Variants in DYTN observed in about 807,000 individuals in gnomAD.
The protein encoded by DYTN is dystrotelin.
A neutral mutation model predicts 69.6 loss-of-function variants in DYTN; 75 were observed. The ratio of observed to expected loss-of-function variants is 1.08; its 90% CI spans 0.89 to 1.31. The LOEUF is 1.31. DYTN is among the 50% of genes most tolerant of loss of function. The probability of loss-of-function intolerance (pLI) is 0.00; values close to 1 mark genes in which losing one functional copy is unlikely to be tolerated. For synonymous variants in DYTN, 252 were observed against 249.1 expected (o/e 1.01, Z -0.11); for missense variants, 726 against 688.4 (o/e 1.05, Z -0.61).
At chr2:206,713,053 G>A (rs890713288) in intron 1 of DYTN, among the ~76,000 whole-genome samples, 2 of 152,206 alleles carry the variant, frequency 1.3e-5, no homozygotes, top group African/African-American at 2.4e-5. Flanking sequence ...CCGCTTCCTG[G>A]TGACAATGTC....
chr2:206,670,423 A>G (rs910682804), intron 9 of DYTN: 3 of 152,094 alleles, frequency 2.0e-5, no homozygotes, highest in African/African-American at 7.2e-5. Context: ...ATTTTTCTCT[A>G]AAAGCAAAGG....
chr2:206,705,705 C>A (rs1043743342), intron 4 of DYTN, 83 bp downstream of exon 4: 19 of 1,199,324 alleles, frequency 1.6e-5, no homozygotes, highest in Non-Finnish European at 2.3e-5. Flanking sequence ...GCTGAAGAGG[C>A]CTTGTGGCAG....
At chr2:206,667,662 C>T (rs1559306720) in intron 9 of DYTN, among the ~76,000 whole-genome samples, 1 of 150,262 alleles carries the variant, frequency 6.7e-6, no homozygotes, top group Non-Finnish European at 1.5e-5. Flanking sequence ...TAATTAATTG[C>T]TTATTGTCTA....
chr2:206,699,717 A>G lies in DYTN; in HGVS notation c.719+10T>C. 1 of 1,608,786 alleles carries G rather than the reference A, an allele frequency of 6.2e-7. No homozygotes were observed. The highest frequency in any genetic ancestry group is 1.1e-5 in the South Asian group (1 of 90,028). On this transcript the variant is annotated intron_variant, in intron 7 of 11. Coordinates refer to ENST00000452335, the MANE Select transcript of DYTN (RefSeq NM_001093730.1). The stretch of plus-strand genomic sequence containing the variant: ...AATGATAATCCAAGAAATGCTGCTG[A>G]TGACTGTACCTGAGTCCCGTGATTG...
Position 206,716,916 on chromosome 2 carries a change from A to C in DYTN, c.19+1345T>G, listed in dbSNP as rs1049040925. On this transcript the variant is annotated intron_variant, in intron 1 of 11. Transcript: ENST00000452335. Reference sequence around the variant, plus strand: ...TATGCTTTACAGCGTCATCTGATGAAGTTAGGCAGCATAACACGGCAAGCT... The same window carrying C: ...TATGCTTTACAGCGTCATCTGATGACGTTAGGCAGCATAACACGGCAAGCT... Among the ~76,000 whole-genome samples, 8 of 152,074 alleles carry C rather than the reference A, an allele frequency of 5.3e-5. No individual in the cohort carries two copies. The East Asian group carries it at 1.5e-3, about 29-fold the overall frequency.
At chr2:206,682,248 T>C (rs953344900) in intron 9 of DYTN, among the ~76,000 whole-genome samples, 1 of 152,272 alleles carries the variant, frequency 6.6e-6, no homozygotes, top group East Asian at 1.9e-4. Context: ...TTTTGTTGTG[T>C]CTTTTGATTC....
chr2:206,665,867 T>C lies in DYTN; in HGVS notation c.1140+3A>G. 1 of 1,613,306 alleles carries C rather than the reference T, an allele frequency of 6.2e-7. No homozygotes were observed. Among genetic ancestry groups the C allele is most frequent in the Non-Finnish European group, 8.5e-7 (1 of 1,179,590 alleles). ...GATGGCCAGTGTCCCTCACATTTTA[T>C]ACCTGTAGGTCCCGTCTTATCTGTT... On this transcript the variant is annotated splice_donor_region_variant and intron_variant, in intron 10 of 11. Transcript: ENST00000452335.
Position 206,665,942 on chromosome 2 carries a change from T to G in DYTN, c.1068A>C (p.Thr356=), listed in dbSNP as rs933973565. Residue 356 remains threonine, a synonymous_variant, in exon 10 of 12, where the codon ACA becomes ACC. Coordinates refer to ENST00000452335, the MANE Select transcript of DYTN (RefSeq NM_001093730.1). The part of the protein sequence containing the change: ...SQEERICRFE[T]RIHKLKTNQD... Reference sequence around the variant, plus strand: ...GGTTGGTTTTGAGTTTGTGAATCCTTGTTTCAAATCGACAAATTCTTTCTT... The same window carrying G: ...GGTTGGTTTTGAGTTTGTGAATCCTGGTTTCAAATCGACAAATTCTTTCTT... The G allele has an allele frequency of 6.2e-7, 1 of 1,613,960 alleles. No individual in the cohort carries two copies. Among genetic ancestry groups the G allele is most frequent in the Non-Finnish European group, 8.5e-7 (1 of 1,179,852 alleles).
At chr2:206,687,356 G>A (rs1348670804) in intron 9 of DYTN, 1 of 152,660 alleles carries the variant, frequency 6.6e-6, no homozygotes, top group East Asian at 1.9e-4. Flanking sequence ...GATGTCCAGG[G>A]AGGTCCCTGT....
chr2:206,669,953 C>T (rs1699612324), intron 9 of DYTN, among the ~76,000 whole-genome samples: 1 of 152,014 alleles, frequency 6.6e-6, no homozygotes, highest in Non-Finnish European at 1.5e-5. Context: ...AAGTATTGTG[C>T]CTGAAAACAA....
At chr2:206,686,539 T>C (rs1254243597) in intron 9 of DYTN, 1 of 152,284 alleles carries the variant, frequency 6.6e-6, no homozygotes, top group Non-Finnish European at 1.5e-5. Context: ...CAATAGGAAG[T>C]TCTCTGTGAC....
chr2:206,697,475 G>A (rs928533508), intron 7 of DYTN, among the ~76,000 whole-genome samples: 1 of 152,000 alleles, frequency 6.6e-6, no homozygotes, highest in African/African-American at 2.4e-5. Flanking sequence ...CTCTAACATG[G>A]CTTTCTTCAT....
chr2:206,706,776 C>G (rs377555487), intron 3 of DYTN, among the ~76,000 whole-genome samples: 1 of 152,066 alleles, frequency 6.6e-6, no homozygotes, highest in Non-Finnish European at 1.5e-5. Flanking sequence ...AAAAAACACA[C>G]GCACCCCTAC....
At chr2:206,692,805 C>T (rs1559313569) in intron 9 of DYTN, among the ~76,000 whole-genome samples, 1 of 143,778 alleles carries the variant, frequency 7.0e-6, no homozygotes, top group East Asian at 2.0e-4. Flanking sequence ...CTTTCTTTTC[C>T]TTTTTTTTTT....
chr2:206,693,240 T>G lies in DYTN; in HGVS notation c.915A>C (p.Ala305=). The G allele has an allele frequency of 6.2e-7, 1 of 1,613,708 alleles. No individual in the cohort carries two copies. The change falls in exon 9 of 12, where the codon GCA becomes GCC. Residue 305 remains alanine, a synonymous_variant. Transcript: ENST00000452335. Reference sequence around the variant, plus strand: ...GGTCCAGCAGCTGCTGCCTTCTCGCTGCTTCTTTCTTCCTACAGCGCCCCT... The same window carrying G: ...GGTCCAGCAGCTGCTGCCTTCTCGCGGCTTCTTTCTTCCTACAGCGCCCCT... ...LLQGRCRKKE[A]ARRQQLLDQV...
At chr2:206,677,915 G>A (rs934159094) in intron 9 of DYTN, among the ~76,000 whole-genome samples, 15 of 152,136 alleles carry the variant, frequency 9.9e-5, no homozygotes, top group Admixed American at 3.3e-4. Flanking sequence ...GCTTGAACCC[G>A]GGAAGCGGAG....
At chr2:206,690,809 TTAAAA>T (rs1469074048) in intron 9 of DYTN, among the ~76,000 whole-genome samples, 1 of 152,130 alleles carries the variant, frequency 6.6e-6, no homozygotes, top group Non-Finnish European at 1.5e-5. Flanking sequence ...GACAAATCCT[TTAAAA>T]TAAAGTCTTA....
chr2:206,689,808 A>G (rs1202775298), intron 9 of DYTN, among the ~76,000 whole-genome samples: 1 of 152,190 alleles, frequency 6.6e-6, no homozygotes, highest in Non-Finnish European at 1.5e-5. Flanking sequence ...AAAAGAGCTC[A>G]TGGTTCACCT....
intron 7 of DYTN, 45 bp from the exon 8 acceptor site, chr2:206,694,922 G>GAATAA: frequency 1.4e-6 from 1 of 714,042 alleles, no homozygotes; most frequent in African/African-American, 2.3e-5. Flanking sequence ...TAGTAGATGA[G>GAATAA]AAAAAAAAAA....
Sources: gnomAD v4.1 joint callset for allele counts (sites outside exome capture counted in the v4.1 genomes callset) on GRCh38, gnomAD v4.1.1 for gene constraint, MANE v1.5 for transcripts, NCBI Gene and HGNC (gene_info 2026-07-23, HGNC 2026-07-21) for gene names.